The following PBX3 variants were observed in gnomAD, a reference collection of about 807,000 sequenced individuals.
The protein encoded by PBX3 is PBX homeobox 3, also known as pre-B-cell leukemia transcription factor 3.
Under a neutral mutation model 48.5 loss-of-function variants are expected in PBX3, and 14 were observed. That is an observed-to-expected ratio of 0.29 (90% CI 0.19 to 0.45). The LOEUF (loss-of-function observed/expected upper bound fraction) is 0.45. Among genes scored for constraint, PBX3 ranks in the 20% least tolerant of loss-of-function variants. PBX3 has a pLI of 1.00. For synonymous variants in PBX3, 210 were observed against 200.3 expected, an observed-to-expected ratio of 1.05 and a Z score of -0.41; for missense variants, 386 against 546.7, an observed-to-expected ratio of 0.71 and a Z score of 2.93.
At chr9:125,941,141 G>A (rs1841951099) in intron 5 of PBX3, among the ~76,000 whole-genome samples, 1 of 152,160 alleles carries the variant, frequency 6.6e-6, no homozygotes, top group African/African-American at 2.4e-5. Context: ...GGTAAAGAAA[G>A]CCCCTCCTGA....
chr9:125,899,228 T>G (rs945979119), intron 2 of PBX3, among the ~76,000 whole-genome samples: 5 of 119,726 alleles, frequency 4.2e-5, no homozygotes, highest in African/African-American at 1.4e-4. Flanking sequence ...TGTATATATA[T>G]TTATATATAA....
At chr9:125,932,598 G>C (rs1226299517) in intron 4 of PBX3, among the ~76,000 whole-genome samples, 1 of 152,008 alleles carries the variant, frequency 6.6e-6, no homozygotes, top group Non-Finnish European at 1.5e-5. Flanking sequence ...AGCATCAGAC[G>C]ACAAAAAACA....
intron 2 of PBX3, among the ~76,000 whole-genome samples, chr9:125,853,936 A>C (rs1564140226): frequency 6.6e-6 from 1 of 152,150 alleles, no homozygotes; most frequent in South Asian, 2.1e-4. Context: ...GGACACTGAC[A>C]TGAAAAATAT....
intron 2 of PBX3, chr9:125,865,253 A>G (rs138680594): frequency 6.2e-4 from 105 of 169,376 alleles, no homozygotes; most frequent in African/African-American, 2.4e-3. Flanking sequence ...ACTTTTTTCT[A>G]CGAAGAGGTC....
rs753423300 is a variant in PBX3 at position 125,915,946 on chromosome 9, C to T, written c.516+19C>T. ...TGAACAGGTCAGCAGCCGCCACTCT[C>T]ATAGTCCTACACAAACCCTCTGTTG... On this transcript the variant is annotated intron_variant, in intron 3 of 8. Transcript: ENST00000373489. 1.2e-6 allele frequency: 2 copies of T among 1,610,808 alleles called. No individual in the cohort carries two copies. Among genetic ancestry groups the T allele is most frequent in the Non-Finnish European group, 1.7e-6 (2 of 1,179,018 alleles).
At chr9:125,868,625 T>G (rs1840045164) in intron 2 of PBX3, among the ~76,000 whole-genome samples, 1 of 152,142 alleles carries the variant, frequency 6.6e-6, no homozygotes, top group Non-Finnish European at 1.5e-5. Context: ...ATGTGCAGCT[T>G]AAGAAACAAA....
intron 2 of PBX3, among the ~76,000 whole-genome samples, chr9:125,753,241 T>A (rs1346903952): frequency 6.6e-6 from 1 of 151,986 alleles, no homozygotes; most frequent in African/African-American, 2.4e-5. Context: ...ATGTTATAAA[T>A]TATATTGCTT....
intron 2 of PBX3, among the ~76,000 whole-genome samples, chr9:125,897,099 T>A (rs1428469161): frequency 1.3e-5 from 2 of 151,396 alleles, no homozygotes; most frequent in Non-Finnish European, 3.0e-5. Context: ...AAATACAGTG[T>A]CTTGTCAAAG....
intron 2 of PBX3, among the ~76,000 whole-genome samples, chr9:125,878,002 G>T (rs913981894): frequency 6.6e-6 from 1 of 152,096 alleles, no homozygotes; most frequent in South Asian, 2.1e-4. Context: ...ATTCCATTCA[G>T]TGTTGTTGGT....
chr9:125,881,142 T>A (rs1380203532), intron 2 of PBX3, among the ~76,000 whole-genome samples: 1 of 152,240 alleles, frequency 6.6e-6, no homozygotes, highest in African/African-American at 2.4e-5. Flanking sequence ...AGCTCTTCAA[T>A]TTATGGCTGT....
At chr9:125,917,493 G>A (rs1442271845) in intron 3 of PBX3, among the ~76,000 whole-genome samples, 1 of 152,096 alleles carries the variant, frequency 6.6e-6, no homozygotes, top group Non-Finnish European at 1.5e-5. Context: ...GTCATGCAGA[G>A]TATTTTCACT....
intron 2 of PBX3, among the ~76,000 whole-genome samples, chr9:125,782,844 G>A (rs2132040587): frequency 6.6e-6 from 1 of 151,294 alleles, no homozygotes; most frequent in East Asian, 1.9e-4. Flanking sequence ...TAGTAGGCAG[G>A]TTTTTTTTTC....
At chr9:125,903,115 G>T (rs934032446) in intron 2 of PBX3, among the ~76,000 whole-genome samples, 3 of 151,646 alleles carry the variant, frequency 2.0e-5, no homozygotes, top group Non-Finnish European at 4.4e-5. Context: ...TTGTTTTGCA[G>T]CCTGAAAGAT....
At position 125,840,547 on chromosome 9, in the gene PBX3, T is replaced by G. The variant is rs187040965; in HGVS notation, c.275-75139T>G. Among the ~76,000 whole-genome samples the G allele has an allele frequency of 3.2e-3, 485 of 151,926 alleles. 2 individuals are homozygous for G. The highest frequency in any genetic ancestry group is 0.011 in the African/African-American group (472 of 41,456). On this transcript the variant is annotated intron_variant, in intron 2 of 8. Transcript: ENST00000373489. ...AGCTATAGCTAACCCTCTGAGTGAA[T>G]TTTTCTCTCTTTCCTTTAAAGAACT...
intron 2 of PBX3, among the ~76,000 whole-genome samples, chr9:125,882,406 C>T (rs983615405): frequency 7.2e-5 from 11 of 152,164 alleles, no homozygotes; most frequent in Non-Finnish European, 1.5e-4. Flanking sequence ...TTACTTGAGA[C>T]GGCAGTAGAC....
At chr9:125,890,174 C>T (rs1195684473) in intron 2 of PBX3, among the ~76,000 whole-genome samples, 1 of 152,156 alleles carries the variant, frequency 6.6e-6, no homozygotes, top group East Asian at 1.9e-4. Context: ...GCTGCCGACT[C>T]CGGTTTCTCA....
At chr9:125,808,968 C>T (rs1588168103) in intron 2 of PBX3, among the ~76,000 whole-genome samples, 1 of 152,134 alleles carries the variant, frequency 6.6e-6, no homozygotes, top group African/African-American at 2.4e-5. Context: ...GAACACCAGA[C>T]AGCACTTACC....
chr9:125,758,309 A>G (rs1425966718), intron 2 of PBX3, among the ~76,000 whole-genome samples: 2 of 150,860 alleles, frequency 1.3e-5, no homozygotes, highest in South Asian at 4.2e-4. Context: ...TTTTTTTTTG[A>G]CTGATTATCA....
chr9:125,846,193 A>G (rs554578630), intron 2 of PBX3, among the ~76,000 whole-genome samples: 2 of 152,196 alleles, frequency 1.3e-5, no homozygotes, highest in South Asian at 2.1e-4. Context: ...TAAATGACAG[A>G]AAAACACAGT....
Sources: allele counts gnomAD v4.1 joint callset (sites outside exome capture counted in the v4.1 genomes callset), GRCh38; gene constraint gnomAD v4.1.1; transcripts MANE v1.5; gene names NCBI Gene and HGNC (gene_info 2026-07-23, HGNC 2026-07-21).